Variants in TECTA observed in about 807,000 individuals in gnomAD.
TECTA encodes the protein alpha-tectorin.
Under a neutral mutation model 216.8 loss-of-function variants are expected in TECTA, and 128 were observed. The observed-to-expected ratio is 0.59, with a 90% CI of 0.51 to 0.68. The LOEUF is 0.68. Ranked by LOEUF, TECTA falls within the 30% of genes least tolerant of loss-of-function variation. TECTA has a pLI of 0.00. For synonymous variants in TECTA, 1,089 were observed against 1,117.1 expected (o/e 0.97, Z 0.50); for missense variants, 2,551 against 2,786.2 (o/e 0.92, Z 1.90).
Position 121,137,476 on chromosome 11 carries a change from C to G in TECTA, c.2997C>G (p.Thr999=), listed in dbSNP as rs1946741344. Residue 999 remains threonine (T), a synonymous_variant, in exon 11 of 24, where the codon ACC becomes ACG. Transcript: ENST00000392793. ...HFEECITCTE[T]CETLTLGPIC... ...AGGAGTGCATCACATGTACAGAGAC[C>G]TGTGAGACCCTTACCCTGGGCCCCA... 6.2e-7 allele frequency: 1 copy of G among 1,613,800 alleles called. No individual in the cohort carries two copies. Among genetic ancestry groups the G allele is most frequent in the Admixed American group, 1.7e-5 (1 of 59,986 alleles).
At position 121,113,167 on chromosome 11, in the gene TECTA, T is replaced by C. The variant is rs1382566998; in HGVS notation, c.582T>C (p.Ser194=). ...YEINWTTGTA[S]GGDPLTGLGG... ...TCAACTGGACCACGGGGACGGCGAG[T>C]GGCGGCGACCCCCTGACAGGTCTTG... Residue 194 remains serine (S), a synonymous_variant, in exon 5 of 24, where the codon AGT becomes AGC. Transcript: ENST00000392793. The surrounding 1 kb of genome is among the most constrained non-coding windows in gnomAD (Gnocchi z 4.2). 5 of 1,613,228 alleles carry C rather than the reference T, an allele frequency of 3.1e-6. No individual in the cohort carries two copies. The South Asian group carries it at 5.5e-5, about 18-fold the overall frequency.
chr11:121,145,536 C>G lies in TECTA; in HGVS notation c.3544-19C>G. On this transcript the variant is annotated intron_variant, in intron 11 of 23. Transcript: ENST00000392793. ...CTCTGGGCCAACTGTGTTTCTCCAC[C>G]TCATCTCTCCTCTTACAGGTCAACA... 4.3e-6 allele frequency: 7 copies of G among 1,613,678 alleles called. No individual in the cohort carries two copies. The highest frequency in any genetic ancestry group is 5.9e-6 in the Non-Finnish European group (7 of 1,179,578).
intron 10 of TECTA, among the ~76,000 whole-genome samples, chr11:121,136,538 T>C (rs1242290248): frequency 6.6e-6 from 1 of 152,130 alleles, no homozygotes; most frequent in East Asian, 1.9e-4. Context: ...GTCTGTGTAA[T>C]AGAAGGAGGT....
chr11:121,152,031 A>G (rs147401808), intron 12 of TECTA, among the ~76,000 whole-genome samples: 2 of 152,330 alleles, frequency 1.3e-5, no homozygotes, highest in East Asian at 1.9e-4. Flanking sequence ...AGTGAATGCT[A>G]TTGGTATCTG....
At chr11:121,179,294 T>C (rs539837752) in intron 20 of TECTA, among the ~76,000 whole-genome samples, 1 of 152,292 alleles carries the variant, frequency 6.6e-6, no homozygotes, top group East Asian at 1.9e-4. Flanking sequence ...ATTGACCCAG[T>C]GCTTGTTCAG....
rs1403920052 is a variant in TECTA, at chr11:121,189,376, T to TC, written c.6250+209_6250+210insC. Among the ~76,000 whole-genome samples the TC allele has an allele frequency of 9.3e-5, 5 of 53,744 alleles. No homozygotes were observed. In the East Asian group the frequency reaches 2.1e-3, roughly 23 times the overall value. The allele number at this position is 53,744 out of a possible 152,430, so 35.3% of individuals were successfully genotyped here. ...CATTGAGGTTTTCTTTGTCCTCCTC[T>TC]TTTTTTTTTTTCTTTGAGACGGAGT... On this transcript the variant is annotated intron_variant, in intron 22 of 23. Transcript: ENST00000392793.
chr11:121,124,456 A>C (rs1045687362), intron 7 of TECTA, among the ~76,000 whole-genome samples: 7 of 151,816 alleles, frequency 4.6e-5, no homozygotes, highest in African/African-American at 1.7e-4. Flanking sequence ...TCCTTTGGCC[A>C]CTTCTGTTTA....
intron 6 of TECTA, among the ~76,000 whole-genome samples, chr11:121,114,716 C>A (rs1226401582): frequency 9.9e-6 from 1 of 100,964 alleles, no homozygotes; most frequent in South Asian, 3.9e-4. Context: ...CATTCACCCA[C>A]CCATCCATTT....
Position 121,162,060 on chromosome 11 carries a change from A to T in TECTA, c.4977-15A>T, listed in dbSNP as rs1222993675. 4 of 1,613,478 alleles carry T rather than the reference A, an allele frequency of 2.5e-6. No homozygotes were observed. In the African/African-American group the frequency reaches 5.3e-5, roughly 22 times the overall value. ...GATCTCAGATGGCTGTTTTTGCTTC[A>T]CTCAGTCTGACCAGACCTCTTGCCC... On this transcript the variant is annotated splice_polypyrimidine_tract_variant and intron_variant, in intron 15 of 23. Coordinates refer to ENST00000392793, the MANE Select transcript of TECTA (RefSeq NM_005422.4).
At chr11:121,151,259 A>G (rs1398530382) in intron 12 of TECTA, among the ~76,000 whole-genome samples, 1 of 152,244 alleles carries the variant, frequency 6.6e-6, no homozygotes, top group East Asian at 1.9e-4. Context: ...GAAGCAACTT[A>G]GCGGCATTCA....
At chr11:121,107,276 A>G (rs747860773) in intron 3 of TECTA, among the ~76,000 whole-genome samples, 38 of 152,170 alleles carry the variant, frequency 2.5e-4, no homozygotes, top group Admixed American at 6.6e-4. Context: ...GCACTGTGTG[A>G]TATGGAGTCT....
intron 20 of TECTA, among the ~76,000 whole-genome samples, chr11:121,177,893 T>TC (rs1305618455): frequency 6.6e-6 from 1 of 152,114 alleles, no homozygotes; most frequent in African/African-American, 2.4e-5. Context: ...TGGGCGCCCC[T>TC]CCCCCAGCCT....
At chr11:121,162,483 C>T (rs1174839940) in intron 16 of TECTA, 113 bp downstream of exon 16, 1 of 1,358,966 alleles carries the variant, frequency 7.4e-7, no homozygotes, top group Non-Finnish European at 1.0e-6. Context: ...ACTCATAGAT[C>T]TGCTTCCAGG....
chr11:121,168,496 T>TAAAAA, intron 19 of TECTA, 181 bp from the exon 20 acceptor site: 1 of 973,716 alleles, frequency 1.0e-6, no homozygotes, highest in East Asian at 2.6e-5. Context: ...TTTATTTAAT[T>TAAAAA]TCATTTCATT....
intron 3 of TECTA, 108 bp downstream of exon 3, chr11:121,106,072 A>G: frequency 1.3e-6 from 2 of 1,558,166 alleles, no homozygotes; most frequent in Non-Finnish European, 1.8e-6. Flanking sequence ...GGGAGGATTT[A>G]TTGGCAGCCA....
At chr11:121,186,699 A>C (rs900813601) in intron 20 of TECTA, among the ~76,000 whole-genome samples, 31 of 152,262 alleles carry the variant, frequency 2.0e-4, no homozygotes, top group Admixed American at 6.5e-5. Context: ...TAGAAGGCTA[A>C]TTACAAAACA....
At chr11:121,106,990 A>G (rs1946396491) in intron 3 of TECTA, among the ~76,000 whole-genome samples, 1 of 152,202 alleles carries the variant, frequency 6.6e-6, no homozygotes, top group African/African-American at 2.4e-5. Context: ...TTTGAGAACC[A>G]CTGATCTCAA....
rs146203161 is a variant in TECTA, at chr11:121,137,485, C to T, written c.3006C>T (p.Thr1002=). The part of the protein sequence containing the change: ...ECITCTETCE[T]LTLGPICVDS... Reference sequence around the variant, plus strand: ...TCACATGTACAGAGACCTGTGAGACCCTTACCCTGGGCCCCATCTGCGTGG... The same window carrying T: ...TCACATGTACAGAGACCTGTGAGACTCTTACCCTGGGCCCCATCTGCGTGG... Residue 1002 remains threonine (T), a synonymous_variant, in exon 11 of 24, where the codon ACC becomes ACT. Transcript: ENST00000392793. The T allele has an allele frequency of 6.2e-7, 1 of 1,613,890 alleles. No homozygotes were observed. The highest frequency in any genetic ancestry group is 8.5e-7 in the Non-Finnish European group (1 of 1,180,000).
Position 121,130,126 on chromosome 11 carries a change from G to C in TECTA, c.2856G>C (p.Glu952Asp). The stretch of plus-strand genomic sequence containing the variant: ...GCCAGAGTGGGGGCAATGAGTCAGA[G>C]CTCTGTGACTCTGTGGCCCGGTATG... ...RLCQSGGNES[E>D]LCDSVARYAS... The change falls in exon 10 of 24, where the codon GAG (glutamate) becomes GAC (aspartate). Residue 952 changes from glutamate (E) to aspartate (D), a missense_variant. By Grantham distance (45) the Glu-to-Asp change is conservative (BLOSUM62 2). Around this residue, in one of 3 missense-constraint regions of TECTA, gnomAD observed 2,375 missense variants for 2,563.9 expected, o/e 0.93. Coordinates refer to ENST00000392793, the MANE Select transcript of TECTA (RefSeq NM_005422.4). The C allele has an allele frequency of 6.2e-7, 1 of 1,611,924 alleles. No individual in the cohort carries two copies. Among genetic ancestry groups the C allele is most frequent in the South Asian group, 1.1e-5 (1 of 91,088 alleles).
Sources: gnomAD v4.1 joint callset for allele counts (sites outside exome capture counted in the v4.1 genomes callset) on GRCh38, gnomAD v4.1.1 for gene constraint, gnomAD v4.1.1 regional missense constraint, Gnocchi (gnomAD v3.1) non-coding constraint, MANE v1.5 for transcripts, NCBI Gene and HGNC (gene_info 2026-07-23, HGNC 2026-07-21) for gene names.